NRG3: variants seen among roughly 807,000 people sequenced by gnomAD.
The protein encoded by NRG3 is pro-neuregulin-3, membrane-bound isoform.
Under a neutral mutation model 66.9 loss-of-function variants are expected in NRG3, and 31 were observed. The ratio of observed to expected loss-of-function variants is 0.46; its 90% confidence interval spans 0.35 to 0.63. The LOEUF is 0.63. Among genes scored for constraint, NRG3 ranks in the 20% least tolerant of loss-of-function variants. NRG3 has a pLI of 0.00. For missense variants in NRG3, 910 were observed against 878.9 expected, an observed-to-expected ratio of 1.04 and a Z score of -0.45; for synonymous variants, 393 against 359.4, an observed-to-expected ratio of 1.09 and a Z score of -1.06.
At chr10:82,849,667 G>A (rs902657341) in intron 3 of NRG3, among the ~76,000 whole-genome samples, 1 of 152,194 alleles carries the variant, frequency 6.6e-6, no homozygotes, top group African/African-American at 2.4e-5. Context: ...TCTGAAAGAA[G>A]AGCATTATAG....
chr10:82,442,506 G>A (rs908860585), intron 2 of NRG3, among the ~76,000 whole-genome samples: 5 of 152,102 alleles, frequency 3.3e-5, no homozygotes, highest in African/African-American at 1.2e-4. Context: ...AGCATAACAT[G>A]GGCAAAGTAC....
chr10:82,158,468 G>T (rs1590345719), intron 1 of NRG3, among the ~76,000 whole-genome samples: 2 of 151,816 alleles, frequency 1.3e-5, no homozygotes, highest in South Asian at 4.1e-4. Context: ...TGTTGTATTT[G>T]AAAGTCTAAA....
rs1293124566 is a variant in NRG3, at chr10:82,408,077, G to A, written c.953+49209G>A. On this transcript the variant is annotated intron_variant, in intron 2 of 8. Transcript: ENST00000372141. Reference sequence around the variant, plus strand: ...AGAGAGAGAGAGAGAGAGAGAGAGAGAGAGAGACAGAAAGAAAGAAAGAAA... The same window carrying A: ...AGAGAGAGAGAGAGAGAGAGAGAGAAAGAGAGACAGAAAGAAAGAAAGAAA... 3.8e-4 allele frequency among the ~76,000 whole-genome samples: 38 copies of A among 100,644 alleles called. 1 individual carries two copies. Among genetic ancestry groups the A allele is most frequent in the African/African-American group, 1.4e-3 (30 of 21,864 alleles). 66.0% of individuals were successfully genotyped at this position (100,644 alleles called of 152,430 possible).
chr10:82,079,231 GGT>G (rs2065257207), intron 1 of NRG3, among the ~76,000 whole-genome samples: 1 of 151,968 alleles, frequency 6.6e-6, no homozygotes, highest in Admixed American at 6.6e-5. Context: ...TTTTAGTAGA[GGT>G]GGAGTTTCAC....
rs549050179 is a variant in NRG3, at chr10:82,283,549, C to T, written c.824-75190C>T. Among the ~76,000 whole-genome samples the T allele has an allele frequency of 9.9e-5, 15 of 152,256 alleles. No homozygotes were observed. In the East Asian group the frequency reaches 1.4e-3, roughly 14 times the overall value. The stretch of plus-strand genomic sequence containing the variant: ...GGTGTAGGGTAGGAAATCTCTAGCT[C>T]GGTTCCTATAGTATCCAACATTCTA... On this transcript the variant is annotated intron_variant, in intron 1 of 8. Coordinates refer to ENST00000372141, the MANE Select transcript of NRG3 (RefSeq NM_001010848.4).
intron 1 of NRG3, among the ~76,000 whole-genome samples, chr10:82,047,399 C>A (rs931824616): frequency 1.3e-5 from 2 of 152,114 alleles, no homozygotes; most frequent in African/African-American, 4.8e-5. Flanking sequence ...AACAGCGGAT[C>A]TCTAGGCAGA....
chr10:82,309,872 G>A (rs1038447348), intron 1 of NRG3, among the ~76,000 whole-genome samples: 3 of 152,140 alleles, frequency 2.0e-5, no homozygotes, highest in Non-Finnish European at 4.4e-5. Flanking sequence ...TCCCAATACT[G>A]TCCTTCCTTG....
At chr10:82,445,055 C>G (rs965882861) in intron 2 of NRG3, among the ~76,000 whole-genome samples, 7 of 152,078 alleles carry the variant, frequency 4.6e-5, no homozygotes, top group African/African-American at 1.7e-4. Flanking sequence ...TATCCTCTGT[C>G]TAACTCCAGC....
chr10:82,917,315 C>T (rs955992061), intron 4 of NRG3, among the ~76,000 whole-genome samples: 1 of 152,154 alleles, frequency 6.6e-6, no homozygotes, highest in Non-Finnish European at 1.5e-5. Context: ...CTGAGTGTAA[C>T]GTCTTGACCA....
intron 1 of NRG3, among the ~76,000 whole-genome samples, chr10:81,995,179 G>A (rs1160028421): frequency 6.6e-6 from 1 of 151,996 alleles, no homozygotes; most frequent in African/African-American, 2.4e-5. Context: ...TCCAATGCAA[G>A]CATTTCATCT....
At chr10:82,360,089 A>G (rs1006120154) in intron 2 of NRG3, among the ~76,000 whole-genome samples, 13 of 152,318 alleles carry the variant, frequency 8.5e-5, no homozygotes, top group Admixed American at 6.5e-5. Flanking sequence ...TGTGGTGTTC[A>G]TATATGACTT....
chr10:82,191,696 T>C (rs1454892528), intron 1 of NRG3, among the ~76,000 whole-genome samples: 1 of 152,206 alleles, frequency 6.6e-6, no homozygotes, highest in Non-Finnish European at 1.5e-5. Context: ...AAAACTACCA[T>C]GTATTCCTTC....
intron 1 of NRG3, among the ~76,000 whole-genome samples, chr10:82,138,958 T>A (rs1184838098): frequency 6.6e-6 from 1 of 152,128 alleles, no homozygotes; most frequent in Non-Finnish European, 1.5e-5. Flanking sequence ...GTCCACTGAC[T>A]CAAATGTTAA....
At chr10:82,028,859 T>G (rs1386856505) in intron 1 of NRG3, among the ~76,000 whole-genome samples, 1 of 152,072 alleles carries the variant, frequency 6.6e-6, no homozygotes, top group African/African-American at 2.4e-5. Flanking sequence ...ACAAATACTT[T>G]CATAACTGCT....
intron 1 of NRG3, among the ~76,000 whole-genome samples, chr10:81,971,235 C>A (rs2059922874): frequency 6.6e-6 from 1 of 152,200 alleles, no homozygotes; most frequent in African/African-American, 2.4e-5. Flanking sequence ...AAATATTTCT[C>A]TTTTTATATC....
chr10:82,227,519 C>A (rs756261227), intron 1 of NRG3, among the ~76,000 whole-genome samples: 1 of 151,922 alleles, frequency 6.6e-6, no homozygotes, highest in Non-Finnish European at 1.5e-5. Flanking sequence ...TATCTAATTT[C>A]ATCTCATGAC....
chr10:82,102,756 G>A (rs1006324378), intron 1 of NRG3, among the ~76,000 whole-genome samples: 2 of 151,586 alleles, frequency 1.3e-5, no homozygotes, highest in Non-Finnish European at 3.0e-5. Flanking sequence ...AAACAAAATC[G>A]GGATGCCTTC....
chr10:81,982,670 C>T (rs1256821910), intron 1 of NRG3, among the ~76,000 whole-genome samples: 3 of 152,174 alleles, frequency 2.0e-5, no homozygotes, highest in Non-Finnish European at 2.9e-5. Context: ...TTCCTTTGCA[C>T]CTGAGCATCC....
chr10:81,925,757 A>G (rs912040136), intron 1 of NRG3, among the ~76,000 whole-genome samples: 2 of 148,098 alleles, frequency 1.4e-5, no homozygotes, highest in African/African-American at 2.5e-5. Context: ...TAAAAAAAAA[A>G]GAGAAATCCA....
Sources: allele counts gnomAD v4.1 joint callset (sites outside exome capture counted in the v4.1 genomes callset), GRCh38; gene constraint gnomAD v4.1.1; transcripts MANE v1.5; gene names NCBI Gene and HGNC (gene_info 2026-07-23, HGNC 2026-07-21).